ZNF33B: variants seen among roughly 807,000 people sequenced by gnomAD.
The protein encoded by ZNF33B is zinc finger protein 33B, also known as zinc finger protein 11b (KOX 2).
In ZNF33B, 29 loss-of-function variants were observed where a neutral mutation model predicts 45.8. The observed-to-expected ratio is 0.63, with a 90% confidence interval of 0.47 to 0.86. ZNF33B has a LOEUF of 0.86. Among genes scored for constraint, ZNF33B ranks in the 40% least tolerant of loss-of-function variants. ZNF33B has a pLI of 0.00. For synonymous variants in ZNF33B, 305 were observed against 307.8 expected (o/e 0.99, Z 0.10); for missense variants, 831 against 909.9 (o/e 0.91, Z 1.12).
chr10:42,584,323 T>C (rs761101262), downstream of ZNF33B, among the ~76,000 whole-genome samples: 7 of 152,080 alleles, frequency 4.6e-5, no homozygotes, highest in Non-Finnish European at 7.4e-5. Context: ...TCAGCCTCCT[T>C]CTGGTCATCC....
chr10:42,599,957 T>G (rs1837552317), intron 4 of ZNF33B, among the ~76,000 whole-genome samples: 1 of 152,144 alleles, frequency 6.6e-6, no homozygotes, highest in Non-Finnish European at 1.5e-5. Context: ...TTACATAGAC[T>G]TATATTCAGT....
chr10:42,576,736 C>T (rs1836753796), intron 1 of ZNF33B, among the ~76,000 whole-genome samples: 1 of 152,162 alleles, frequency 6.6e-6, no homozygotes, highest in Non-Finnish European at 1.5e-5. Context: ...TTAATATCCT[C>T]AAATTCATAA....
intron 4 of ZNF33B, among the ~76,000 whole-genome samples, chr10:42,611,624 G>A (rs761680531): frequency 3.3e-5 from 5 of 152,110 alleles, no homozygotes; most frequent in Admixed American, 6.5e-5. Context: ...AAACTCTTTT[G>A]CTACCAAGTA....
intron 1 of ZNF33B, among the ~76,000 whole-genome samples, chr10:42,578,033 G>T (rs960242768): frequency 6.6e-6 from 1 of 151,926 alleles, no homozygotes; most frequent in Non-Finnish European, 1.5e-5. Flanking sequence ...GAGGATAGCC[G>T]GTGGGCCTGC....
downstream of ZNF33B, among the ~76,000 whole-genome samples, chr10:42,584,216 C>T (rs1284903315): frequency 6.6e-6 from 1 of 152,206 alleles, no homozygotes; most frequent in African/African-American, 2.4e-5. Flanking sequence ...CTCTCACCCA[C>T]TTAGTCTCGT....
At chr10:42,624,228 C>G (rs1308776747) in intron 4 of ZNF33B, among the ~76,000 whole-genome samples, 2 of 152,158 alleles carry the variant, frequency 1.3e-5, no homozygotes, top group African/African-American at 4.8e-5. Context: ...CCCAAGGGCT[C>G]CACATCTCCA....
intron 4 of ZNF33B, among the ~76,000 whole-genome samples, chr10:42,611,383 G>T (rs1564513620): frequency 6.6e-6 from 1 of 151,868 alleles, no homozygotes; most frequent in Admixed American, 6.6e-5. Context: ...TTCAAGAAAT[G>T]ATGCTGAGAC....
rs533136110 is a variant in ZNF33B, at chr10:42,590,651, A to T, written c.*1962T>A. The T allele has an allele frequency of 1.3e-5, 2 of 152,288 alleles. No homozygotes were observed. Among genetic ancestry groups the T allele is most frequent in the Non-Finnish European group, 1.5e-5 (1 of 68,028 alleles). 9.4% of individuals were successfully genotyped at this position (152,288 alleles called of 1,614,324 possible). ...ATATGCCTACTGAGATCTACCTTTT[A>T]TGAGCTTTGAGAGAATGCATCTTGC... On this transcript the variant is annotated 3_prime_UTR_variant, in exon 5 of 5. Coordinates refer to ENST00000359467, the MANE Select transcript of ZNF33B (RefSeq NM_006955.3).
At chr10:42,586,765 C>T (rs1252241647), downstream of ZNF33B, among the ~76,000 whole-genome samples, 1 of 152,208 alleles carries the variant, frequency 6.6e-6, no homozygotes, top group Non-Finnish European at 1.5e-5. Flanking sequence ...TCCTCATGTG[C>T]AGAGATGAGA....
chr10:42,582,340 A>G (rs1243129179), intron 1 of ZNF33B: 1 of 152,200 alleles, frequency 6.6e-6, no homozygotes, highest in African/African-American at 2.4e-5. Context: ...CTTTAAGTGA[A>G]TTTTGATCAG....
At chr10:42,588,303 C>T (rs182408680), downstream of ZNF33B, among the ~76,000 whole-genome samples, 100 of 152,328 alleles carry the variant, frequency 6.6e-4, no homozygotes, top group African/African-American at 2.2e-3. Context: ...TGACACTCAC[C>T]TCCCCTAAGA....
At chr10:42,630,816 A>T (rs188370126) in intron 4 of ZNF33B, among the ~76,000 whole-genome samples, 10 of 152,260 alleles carry the variant, frequency 6.6e-5, no homozygotes, top group African/African-American at 2.2e-4. Context: ...CACTAAACAG[A>T]TTTTAACCAA....
chr10:42,638,437 C>A (rs553252154), intron 1 of ZNF33B, 37 bp downstream of exon 1: 1 of 349,700 alleles, frequency 2.9e-6, no homozygotes, highest in Non-Finnish European at 5.7e-6. Context: ...TCGCGCGGGG[C>A]CCCCTCTCCG....
rs988904217 is a variant in ZNF33B at position 42,635,111 on chromosome 10, T to C, written c.9+1809A>G. ...ACAAAATTAGCCAGGTGTGATGGCA[T>C]GTGCCTGTAATTTCAGCTACTGGGG... On this transcript the variant is annotated intron_variant, in intron 2 of 4. Transcript: ENST00000359467. Among the ~76,000 whole-genome samples, 11 of 152,070 alleles carry C rather than the reference T, an allele frequency of 7.2e-5. No homozygotes were observed. The South Asian group carries it at 8.3e-4, about 11-fold the overall frequency.
At chr10:42,623,923 C>T (rs926293875) in intron 4 of ZNF33B, among the ~76,000 whole-genome samples, 1 of 152,230 alleles carries the variant, frequency 6.6e-6, no homozygotes, top group Admixed American at 6.5e-5. Context: ...TTTTTGTCAA[C>T]AGTTTGTCAA....
intron 4 of ZNF33B, among the ~76,000 whole-genome samples, chr10:42,608,991 T>C (rs570653710): frequency 5.7e-4 from 86 of 151,504 alleles, no homozygotes; most frequent in African/African-American, 2.0e-3. Context: ...ACAATGTATG[T>C]CAACAAATTA....
intron 3 of ZNF33B, 89 bp downstream of exon 3, chr10:42,632,203 AAAT>A: frequency 6.5e-7 from 1 of 1,541,910 alleles, no homozygotes; most frequent in East Asian, 2.3e-5. Flanking sequence ...ACCTAAGCCT[AAAT>A]AATGTCATTA....
At chr10:42,604,290 C>T (rs1415981933) in intron 4 of ZNF33B, among the ~76,000 whole-genome samples, 4 of 151,940 alleles carry the variant, frequency 2.6e-5, no homozygotes, top group Non-Finnish European at 5.9e-5. Context: ...ACTAAAAATA[C>T]AAAAATTAGC....
At chr10:42,603,525 T>C (rs1440739682) in intron 4 of ZNF33B, among the ~76,000 whole-genome samples, 1 of 152,134 alleles carries the variant, frequency 6.6e-6, no homozygotes, top group Non-Finnish European at 1.5e-5. Context: ...TACAAATACA[T>C]ACACAGATTT....
Sources: gnomAD v4.1 joint callset for allele counts (sites outside exome capture counted in the v4.1 genomes callset) on GRCh38, gnomAD v4.1.1 for gene constraint, MANE v1.5 for transcripts, NCBI Gene and HGNC (gene_info 2026-07-23, HGNC 2026-07-21) for gene names.